The following ITGAL variants were observed in gnomAD, a reference collection of about 807,000 sequenced individuals.
ITGAL encodes the protein integrin alpha-L.
ITGAL carries 68 observed loss-of-function variants against 138.4 expected under a neutral mutation model. That is an observed-to-expected ratio of 0.49 (90% confidence interval 0.40 to 0.60). The LOEUF (loss-of-function observed/expected upper bound fraction) is 0.60. ITGAL is among the 20% of genes least tolerant of loss of function. ITGAL has a pLI of 0.00. For synonymous variants in ITGAL, 561 were observed against 584.3 expected (o/e 0.96, Z 0.57); for missense variants, 1,256 against 1,478.6 (o/e 0.85, Z 2.47).
intron 11 of ITGAL, among the ~76,000 whole-genome samples, chr16:30,491,772 A>G (rs1485891541): frequency 6.6e-6 from 1 of 152,030 alleles, no homozygotes; most frequent in Non-Finnish European, 1.5e-5. Flanking sequence ...CTGAGGTTAT[A>G]GCCGTGAGCC....
intron 11 of ITGAL, among the ~76,000 whole-genome samples, chr16:30,492,035 C>T (rs971813963): frequency 1.3e-5 from 2 of 152,114 alleles, no homozygotes; most frequent in African/African-American, 4.8e-5. Flanking sequence ...TCTTCACTCA[C>T]TTTCAACTGC....
At chr16:30,491,478 A>C (rs1030841240) in intron 11 of ITGAL, among the ~76,000 whole-genome samples, 36 of 152,250 alleles carry the variant, frequency 2.4e-4, no homozygotes, top group African/African-American at 8.2e-4. Flanking sequence ...AAATATATAC[A>C]TATATGTGGA....
chr16:30,475,487 C>G, intron 3 of ITGAL, 26 bp from the exon 4 acceptor site: 1 of 1,611,470 alleles, frequency 6.2e-7, no homozygotes, highest in Non-Finnish European at 8.5e-7. Flanking sequence ...CTGAGCTCCT[C>G]CAGACCAACC....
chr16:30,479,230 G>A (rs1466718818), intron 5 of ITGAL, 22 bp downstream of exon 5: 2 of 1,613,074 alleles, frequency 1.2e-6, no homozygotes, highest in Non-Finnish European at 1.7e-6. Flanking sequence ...GGGACTCATT[G>A]GGTAAAAATA....
intron 9 of ITGAL, among the ~76,000 whole-genome samples, chr16:30,487,373 G>C (rs1192208772): frequency 2.6e-5 from 4 of 151,944 alleles, no homozygotes; most frequent in Non-Finnish European, 5.9e-5. Context: ...GATTACAGGC[G>C]TGAGCCACTG....
At chr16:30,476,462 GA>G (rs1224014851) in intron 4 of ITGAL, among the ~76,000 whole-genome samples, 4 of 151,788 alleles carry the variant, frequency 2.6e-5, no homozygotes, top group African/African-American at 4.8e-5. Flanking sequence ...TGGCTTATTA[GA>G]AAAAAATATA....
intron 1 of ITGAL, chr16:30,473,953 C>T: frequency 1.5e-6 from 1 of 654,332 alleles, no homozygotes; most frequent in East Asian, 3.0e-5. Flanking sequence ...TCTCATCCTT[C>T]CTTTTTTGCA....
At chr16:30,480,874 G>A (rs1320863334) in intron 6 of ITGAL, 1 of 154,990 alleles carries the variant, frequency 6.5e-6, no homozygotes, top group Non-Finnish European at 1.4e-5. Context: ...GCACGTGCCT[G>A]AAGTCCCAGC....
intron 17 of ITGAL, among the ~76,000 whole-genome samples, chr16:30,500,717 T>C (rs994953005): frequency 2.0e-5 from 3 of 152,032 alleles, no homozygotes; most frequent in Non-Finnish European, 2.9e-5. Flanking sequence ...ATCTGGATAA[T>C]TTTTAAAAAT....
Position 30,510,874 on chromosome 16 carries a change from C to A in ITGAL, c.2620-7C>A. ...TCCATTTCCATTGCCCTCTCCTTTC[C>A]TGCCAGGTTGCTCTGCAGATGATGT... On this transcript the variant is annotated splice_polypyrimidine_tract_variant and splice_region_variant and intron_variant, in intron 22 of 30. Transcript: ENST00000356798. 1 of 1,613,406 alleles carries A rather than the reference C, an allele frequency of 6.2e-7. No individual in the cohort carries two copies. Among genetic ancestry groups the A allele is most frequent in the Non-Finnish European group, 8.5e-7 (1 of 1,179,476 alleles).
chr16:30,499,830 C>A (rs1445126450), intron 17 of ITGAL, among the ~76,000 whole-genome samples: 1 of 145,870 alleles, frequency 6.9e-6, no homozygotes, highest in Non-Finnish European at 1.5e-5. Flanking sequence ...CTCATGGCCA[C>A]CTCCACCTCC....
At chr16:30,484,877 C>T (rs1219923043) in intron 9 of ITGAL, among the ~76,000 whole-genome samples, 1 of 151,674 alleles carries the variant, frequency 6.6e-6, no homozygotes. Flanking sequence ...TGAGATGTGC[C>T]ATTGCACTCC....
intron 11 of ITGAL, among the ~76,000 whole-genome samples, chr16:30,493,561 C>T (rs983465468): frequency 3.0e-4 from 46 of 152,218 alleles, no homozygotes; most frequent in African/African-American, 1.1e-3. Context: ...CAGGCGTGAG[C>T]CACCGCACCT....
At position 30,504,168 on chromosome 16, in the gene ITGAL, C is replaced by A; in HGVS notation, c.2146-7C>A. On this transcript the variant is annotated splice_polypyrimidine_tract_variant and splice_region_variant and intron_variant, in intron 17 of 30. Transcript: ENST00000356798. ...CATGACATAGGCTGTATTCTTATCA[C>A]CCTCAGGTATGTGTTCAAGACCTCA... is the stretch of plus-strand genomic sequence containing the variant. 1 of 1,603,096 alleles carries A rather than the reference C, an allele frequency of 6.2e-7. No homozygotes were observed. Among genetic ancestry groups the A allele is most frequent in the Non-Finnish European group, 8.5e-7 (1 of 1,170,056 alleles).
intron 2 of ITGAL, 53 bp downstream of exon 2, chr16:30,474,351 C>G: frequency 7.4e-7 from 1 of 1,353,408 alleles, no homozygotes; most frequent in South Asian, 1.2e-5. Flanking sequence ...GGGCAGCCCC[C>G]GAGGCGGTGG....
chr16:30,504,327 C>A, intron 18 of ITGAL, 63 bp downstream of exon 18: 1 of 1,257,218 alleles, frequency 8.0e-7, no homozygotes, highest in Non-Finnish European at 1.2e-6. Context: ...GCAAGAAGAG[C>A]CGCCCATGGC....
chr16:30,496,576 G>A lies in ITGAL; in HGVS notation c.1832+10G>A. The A allele has an allele frequency of 1.2e-6, 2 of 1,608,746 alleles. No homozygotes were observed. Among genetic ancestry groups the A allele is most frequent in the Non-Finnish European group, 1.7e-6 (2 of 1,177,596 alleles). On this transcript the variant is annotated intron_variant, in intron 15 of 30. Transcript: ENST00000356798. ...AGATGATCGTGCTGAGGTGAGATGG[G>A]TCTCCCAGGTCACACCTGATGACCC...
Position 30,499,116 on chromosome 16 carries a change from T to C in ITGAL, c.1875T>C (p.Ser625=). The C allele has an allele frequency of 3.1e-6, 5 of 1,614,094 alleles. No homozygotes were observed. The highest frequency in any genetic ancestry group is 4.2e-6 in the Non-Finnish European group (5 of 1,180,032). ...VVDMVTLMSF[S]PAEIPVHEVE... is the part of the protein sequence containing the mutation. ...ATATGGTCACCCTGATGTCCTTCTC[T>C]CCAGCTGAGATCCCAGTGCATGAAG... The change falls in exon 16 of 31, where the codon TCT becomes TCC. Residue 625 remains serine (S), a synonymous_variant. Coordinates refer to ENST00000356798, the MANE Select transcript of ITGAL (RefSeq NM_002209.3).
In ITGAL at chr16:30,479,468, AAGTT is replaced by A. The variant is rs756454634; in HGVS notation, c.576+14_576+17del. 2.3e-5 allele frequency: 37 copies of A among 1,613,574 alleles called. No individual in the cohort carries two copies. The East Asian group carries it at 7.6e-4, about 33-fold the overall frequency. On this transcript the variant is annotated splice_region_variant and intron_variant, in intron 6 of 30. Coordinates refer to ENST00000356798, the MANE Select transcript of ITGAL (RefSeq NM_002209.3). ...CAGCAACACTTCGTACCAGGTAAAA[AAGTT>A]AGTTAGGATTCTTGGTTGCATGCAA... is the stretch of plus-strand genomic sequence containing the variant.
Sources: gnomAD v4.1 joint callset for allele counts (sites outside exome capture counted in the v4.1 genomes callset) on GRCh38, gnomAD v4.1.1 for gene constraint, MANE v1.5 for transcripts, NCBI Gene and HGNC (gene_info 2026-07-23, HGNC 2026-07-21) for gene names.